RBFOX2: variants seen among roughly 807,000 people sequenced by gnomAD.
The protein encoded by RBFOX2 is RNA binding protein fox-1 homolog 2.
RBFOX2 carries 10 observed loss-of-function variants against 49.1 expected under a neutral mutation model. That is an observed-to-expected ratio of 0.20 (90% CI 0.13 to 0.35). The LOEUF is 0.35. RBFOX2 is among the 10% of genes least tolerant of loss of function. RBFOX2 has a pLI of 1.00. For synonymous variants in RBFOX2, 183 were observed against 187.4 expected (o/e 0.98, Z 0.19); for missense variants, 323 against 486.9 (o/e 0.66, Z 3.17).
At position 35,759,896 on chromosome 22, in the gene RBFOX2, G is replaced by T; in HGVS notation, c.879C>A (p.Ala293=). 6.2e-7 allele frequency: 1 copy of T among 1,613,478 alleles called. No individual in the cohort carries two copies. Among genetic ancestry groups the T allele is most frequent in the Non-Finnish European group, 8.5e-7 (1 of 1,179,776 alleles). Reference sequence around the variant, plus strand: ...TGGAATCTAACGCTTACCCTGGATAGGCGGGGATGGCTGTTGGAGGTACCG... The same window carrying T: ...TGGAATCTAACGCTTACCCTGGATATGCGGGGATGGCTGTTGGAGGTACCG... The change falls in exon 9 of 12, where the codon GCC becomes GCA. Residue 293 remains alanine (A), a synonymous_variant. Transcript: ENST00000405409. The surrounding 1 kb of genome is among the most constrained non-coding windows in gnomAD (Gnocchi z 4.6).
intron 1 of RBFOX2, among the ~76,000 whole-genome samples, chr22:35,879,792 G>C (rs1371329330): frequency 6.6e-6 from 1 of 152,206 alleles, no homozygotes; most frequent in African/African-American, 2.4e-5. Context: ...TGGAGATAGC[G>C]AGACCAGGTA....
At chr22:35,826,643 T>C (rs1351808059) in intron 1 of RBFOX2, among the ~76,000 whole-genome samples, 1 of 152,140 alleles carries the variant, frequency 6.6e-6, no homozygotes, top group Admixed American at 6.6e-5. Context: ...GGGAAAACTT[T>C]AAAGCATATA....
intron 1 of RBFOX2, among the ~76,000 whole-genome samples, chr22:36,025,028 G>A (rs1345366798): frequency 6.6e-6 from 1 of 151,876 alleles, no homozygotes; most frequent in Non-Finnish European, 1.5e-5. Context: ...GGCTGGTCTC[G>A]AACTCCTGAT....
In RBFOX2 at chr22:35,825,584, T is replaced by C. The variant is rs1024337146; in HGVS notation, c.27+14608A>G. On this transcript the variant is annotated intron_variant, in intron 1 of 11. Coordinates refer to ENST00000405409, the Ensembl canonical transcript of RBFOX2. ...AATTTAGGCTCTGCAATGAATGTACTATTTGTGTGACCTTAGATGAGTAAC... is the reference window on the plus strand; with the variant it reads ...AATTTAGGCTCTGCAATGAATGTACCATTTGTGTGACCTTAGATGAGTAAC... Among the ~76,000 whole-genome samples the C allele has an allele frequency of 5.3e-5, 8 of 152,358 alleles. No homozygotes were observed. In the South Asian group the frequency reaches 6.2e-4, roughly 12 times the overall value.
chr22:35,812,176 G>A (rs999439203), intron 1 of RBFOX2, among the ~76,000 whole-genome samples: 7 of 151,440 alleles, frequency 4.6e-5, no homozygotes, highest in African/African-American at 1.5e-4. Context: ...CAGGAGAATC[G>A]CTTGAACTCA....
chr22:35,802,020 C>G (rs2147896376), intron 2 of RBFOX2, among the ~76,000 whole-genome samples: 1 of 152,224 alleles, frequency 6.6e-6, no homozygotes, highest in South Asian at 2.1e-4. Context: ...AACTTATACT[C>G]TATACATATG....
chr22:35,782,568 G>A (rs768422179), intron 2 of RBFOX2, among the ~76,000 whole-genome samples: 3 of 152,176 alleles, frequency 2.0e-5, no homozygotes, highest in Non-Finnish European at 2.9e-5. Flanking sequence ...TGATCCGCCC[G>A]CCTTGGCCTT....
intron 1 of RBFOX2, among the ~76,000 whole-genome samples, chr22:36,026,541 T>TACATAC (rs5845246): frequency 5.1e-5 from 7 of 136,564 alleles, no homozygotes; most frequent in African/African-American, 1.8e-4. Context: ...AATGAATACA[T>TACATAC]ACACACACAC....
chr22:36,024,893 C>T (rs1337443488), intron 1 of RBFOX2, among the ~76,000 whole-genome samples: 1 of 151,948 alleles, frequency 6.6e-6, no homozygotes, highest in Non-Finnish European at 1.5e-5. Flanking sequence ...CTGCAACCTC[C>T]GCCTCCCGAG....
At position 35,951,241 on chromosome 22, in the gene RBFOX2, CTTTT is replaced by C. The variant is rs1208551684; in HGVS notation, c.42+10318_42+10321del. On this transcript the variant is annotated intron_variant, in intron 1 of 5. Coordinates refer to the RBFOX2 transcript ENST00000408983. ...AGTGCTGGGATTACCGCACCCGGCC[CTTTT>C]TTTTTTTTTTTTTTTTTTTGAGACG... Among the ~76,000 whole-genome samples the C allele has an allele frequency of 5.3e-3, 414 of 78,326 alleles. 2 individuals are homozygous for C. The highest frequency in any genetic ancestry group is 0.023 in the African/African-American group (351 of 15,510). The allele number at this position is 78,326 out of a possible 152,430, so 51.4% of individuals were successfully genotyped here. A position where few individuals can be genotyped will look rare whatever the true frequency, so the allele number is the denominator to read the frequency against.
intron 2 of RBFOX2, among the ~76,000 whole-genome samples, chr22:35,795,125 A>C (rs1460820488): frequency 6.6e-6 from 1 of 152,198 alleles, no homozygotes; most frequent in East Asian, 1.9e-4. Context: ...GGAAACTGCC[A>C]AACTACTCAT....
upstream of RBFOX2, among the ~76,000 whole-genome samples, chr22:35,943,341 C>T (rs938202496): frequency 1.3e-5 from 2 of 152,160 alleles, no homozygotes; most frequent in Non-Finnish European, 2.9e-5. Context: ...AGATGGAAAT[C>T]AGATGTGTTA....
intron 1 of RBFOX2, among the ~76,000 whole-genome samples, chr22:35,916,258 CTT>C: frequency 6.6e-6 from 1 of 152,258 alleles, no homozygotes; most frequent in Middle Eastern, 3.4e-3. Context: ...TACTGTCCAC[CTT>C]ATAGAGAGAA....
upstream of RBFOX2, among the ~76,000 whole-genome samples, chr22:35,939,846 T>TAA (rs3885502): frequency 3.7e-3 from 567 of 151,824 alleles, 3 homozygotes; most frequent in African/African-American, 0.013. Context: ...ACTGATGGAG[T>TAA]AAAAAAAGAT....
At chr22:35,801,903 T>C (rs62232592) in intron 2 of RBFOX2, among the ~76,000 whole-genome samples, 4,440 of 152,276 alleles carry the variant, frequency 0.029, 100 homozygotes, top group Non-Finnish European at 0.045. Context: ...AAATTTCTCA[T>C]TTTATTGTTA....
At chr22:35,786,875 T>C (rs879678274) in intron 2 of RBFOX2, among the ~76,000 whole-genome samples, 2 of 152,130 alleles carry the variant, frequency 1.3e-5, no homozygotes, top group Non-Finnish European at 2.9e-5. Flanking sequence ...TTTCTAGCAC[T>C]GTACCCATCC....
At chr22:35,859,968 G>A (rs1487360549) in intron 1 of RBFOX2, among the ~76,000 whole-genome samples, 1 of 152,120 alleles carries the variant, frequency 6.6e-6, no homozygotes, top group Non-Finnish European at 1.5e-5. Context: ...TACTGTTAGG[G>A]AAACATACCT....
At chr22:36,028,108 C>T in intron 1 of RBFOX2, 132 bp downstream of exon 1, 2 of 1,289,012 alleles carry the variant, frequency 1.6e-6, no homozygotes, top group Non-Finnish European at 2.0e-6. Context: ...TCCAACCAGG[C>T]CCCGAATGGC....
At chr22:35,968,889 T>G (rs1170375126) in intron 1 of RBFOX2, among the ~76,000 whole-genome samples, 1 of 152,186 alleles carries the variant, frequency 6.6e-6, no homozygotes, top group Non-Finnish European at 1.5e-5. Context: ...CTTCACCCCA[T>G]CAATTCCTAC....
Sources: gnomAD v4.1 joint callset for allele counts (sites outside exome capture counted in the v4.1 genomes callset) on GRCh38, gnomAD v4.1.1 for gene constraint, Gnocchi (gnomAD v3.1) non-coding constraint, MANE v1.5 for transcripts, NCBI Gene and HGNC (gene_info 2026-07-23, HGNC 2026-07-21) for gene names.